CSH1: variants seen among roughly 807,000 people sequenced by gnomAD.
CSH1 encodes the protein chorionic somatomammotropin hormone 1.
In CSH1, 17 loss-of-function variants were observed where a neutral mutation model predicts 19.4. The observed-to-expected ratio is 0.88, with a 90% CI of 0.60 to 1.31. CSH1 has a LOEUF of 1.31. CSH1 is among the 40% of genes most tolerant of loss of function. The pLI is 0.00. For missense variants in CSH1, 190 were observed against 243.1 expected (o/e 0.78, Z 1.45); for synonymous variants, 72 against 104.6 (o/e 0.69, Z 1.90).
At position 63,895,111 on chromosome 17, in the gene CSH1, G is replaced by A. The variant is rs1322263639; in HGVS notation, c.565C>T (p.Leu189Phe). 1 of 1,612,730 alleles carries A rather than the reference G, an allele frequency of 6.2e-7. No individual in the cohort carries two copies. The highest frequency in any genetic ancestry group is 1.3e-5 in the African/African-American group (1 of 74,222). The change falls in exon 5 of 5, where the codon CTC becomes TTC. Residue 189 changes from leucine to phenylalanine, a missense_variant. Leu to Phe is a conservative substitution (Grantham distance 22). This residue lies in a region of CSH1 where 175 missense variants were observed against 187.2 expected (regional missense o/e 0.93). Coordinates refer to ENST00000316193, the MANE Select transcript of CSH1 (RefSeq NM_001317.6). ...HDALLKNYGL[L>F]YCFRKDMDKV... The stretch of plus-strand genomic sequence containing the variant: ...TCCATGTCCTTCCTGAAGCAGTAGA[G>A]CAGCCCGTAGTTCTTGAGCAGTGCG...
chr17:63,894,946 G>T lies in CSH1; in HGVS notation c.*76C>A. Reference sequence around the variant, plus strand: ...TACAACTTAATTTTATTAGGACAAGGCTGGTGGGCACTGGAGTGGCACCTT... The same window carrying T: ...TACAACTTAATTTTATTAGGACAAGTCTGGTGGGCACTGGAGTGGCACCTT... On this transcript the variant is annotated 3_prime_UTR_variant, in exon 5 of 5. Transcript: ENST00000316193. 1 of 1,609,454 alleles carries T rather than the reference G, an allele frequency of 6.2e-7. No individual in the cohort carries two copies. Among genetic ancestry groups the T allele is most frequent in the East Asian group, 2.2e-5 (1 of 44,798 alleles).
In CSH1 at chr17:63,895,567, C is replaced by A; in HGVS notation, c.362G>T (p.Ser121Ile). The change falls in exon 4 of 5, where the codon AGT becomes ATT. Residue 121 changes from serine (S) to isoleucine (I), a missense_variant. By Grantham distance (142) the Ser-to-Ile change is moderately radical. Transcript: ENST00000316193. The part of the protein sequence containing the change: ...SWLEPVRFLR[S>I]MFANNLVYDT... ...ATACACCAGGTTGTTGGCGAACATACTCCTGAGGAACCGCACGGGCTCCAG... is the reference window on the plus strand; with the variant it reads ...ATACACCAGGTTGTTGGCGAACATAATCCTGAGGAACCGCACGGGCTCCAG... The A allele has an allele frequency of 6.2e-7, 1 of 1,601,388 alleles. No individual in the cohort carries two copies. Among genetic ancestry groups the A allele is most frequent in the Non-Finnish European group, 8.5e-7 (1 of 1,176,602 alleles).
chr17:63,894,932 T>C lies in CSH1; in HGVS notation c.*90A>G, dbSNP rs1042429011. ...GTCAGATGAAATGATACAACTTAAT[T>C]TTATTAGGACAAGGCTGGTGGGCAC... On this transcript the variant is annotated 3_prime_UTR_variant, in exon 5 of 5. Transcript: ENST00000316193. 1.2e-5 allele frequency: 20 copies of C among 1,602,328 alleles called. 1 individual carries two copies. In the African/African-American group the frequency reaches 2.2e-4, roughly 17 times the overall value.
At chr17:63,895,421 C>T (rs1436814762) in intron 4 of CSH1, 52 bp downstream of exon 4, 2 of 1,612,844 alleles carry the variant, frequency 1.2e-6, no homozygotes, top group Non-Finnish European at 1.7e-6. Flanking sequence ...TCTCCCCCAG[C>T]CCTCGAAGCC....
chr17:63,894,966 C>G lies in CSH1; in HGVS notation c.*56G>C, dbSNP rs1290377268. The G allele has an allele frequency of 1.9e-6, 3 of 1,612,328 alleles. No homozygotes were observed. The African/African-American group carries it at 4.0e-5, about 22-fold the overall frequency. On this transcript the variant is annotated 3_prime_UTR_variant, in exon 5 of 5. Transcript: ENST00000316193. ...ACAAGGCTGGTGGGCACTGGAGTGG[C>G]ACCTTCAGGGCCAGGAGAGGCACTG...
rs199753389 is a variant in CSH1, at chr17:63,895,050, C to A, written c.626G>T (p.Arg209Leu). The change falls in exon 5 of 5, where the codon CGC becomes CTC. Residue 209 changes from arginine (R) to leucine (L), a missense_variant. Arg to Leu is a moderately radical substitution (Grantham distance 102, BLOSUM62 -2). Transcript: ENST00000316193. ...GAAGCCACAGCTGCCCTCCACAGAG[C>A]GGCACTGCACCATGCGCAGGAATGT... ...VETFLRMVQC[R>L]SVEGSCGF The A allele has an allele frequency of 1.9e-5, 30 of 1,612,890 alleles. No individual in the cohort carries two copies. The highest frequency in any genetic ancestry group is 2.2e-5 in the South Asian group (2 of 91,070).
In CSH1 at chr17:63,895,519, T is replaced by G. The variant is rs770137844; in HGVS notation, c.410A>C (p.Tyr137Ser). 4.8e-5 allele frequency: 78 copies of G among 1,610,586 alleles called. 2 individuals carry two copies. Among genetic ancestry groups the G allele is most frequent in the Non-Finnish European group, 6.6e-5 (78 of 1,179,246 alleles). Reference protein sequence around the residue: ...LVYDTSDSDDYHLLKDLEEGI... With the variant: ...LVYDTSDSDDSHLLKDLEEGI... ...TTCCTCTAGGTCCTTTAGGAGGTGA[T>G]AGTCATCGCTGTCCGAGGTGTCATA... Residue 137 changes from tyrosine (Y) to serine (S), a missense_variant, in exon 4 of 5, where the codon TAT becomes TCT. Tyr to Ser is a moderately radical substitution (Grantham distance 144, BLOSUM62 -2). Around this residue, in one of 3 missense-constraint regions of CSH1, gnomAD observed 175 missense variants for 187.2 expected, o/e 0.93. Transcript: ENST00000316193.
At chr17:63,896,397 A>T (rs1906138177) in intron 1 of CSH1, 105 bp downstream of exon 1, 5 of 1,549,034 alleles carry the variant, frequency 3.2e-6, no homozygotes, top group Non-Finnish European at 4.4e-6. Flanking sequence ...CGATACTCAC[A>T]TTCATAAGCC....
At position 63,895,554 on chromosome 17, in the gene CSH1, G is replaced by C; in HGVS notation, c.375C>G (p.Asn125Lys). Residue 125 changes from asparagine to lysine, a missense_variant, in exon 4 of 5, where the codon AAC becomes AAG. Asn to Lys is a moderately conservative substitution (Grantham distance 94). Coordinates refer to ENST00000316193, the MANE Select transcript of CSH1 (RefSeq NM_001317.6). ...PVRFLRSMFA[N>K]NLVYDTSDSD... is the part of the protein sequence containing the mutation. The stretch of plus-strand genomic sequence containing the variant: ...TGTCCGAGGTGTCATACACCAGGTT[G>C]TTGGCGAACATACTCCTGAGGAACC... 1 of 1,605,740 alleles carries C rather than the reference G, an allele frequency of 6.2e-7. No individual in the cohort carries two copies. The highest frequency in any genetic ancestry group is 8.5e-7 in the Non-Finnish European group (1 of 1,177,942).
chr17:63,896,310 T>C (rs1906134100), intron 1 of CSH1, 75 bp from the exon 2 acceptor site: 1 of 1,600,580 alleles, frequency 6.2e-7, no homozygotes, highest in Non-Finnish European at 8.5e-7. Context: ...CAGGAGCTGT[T>C]TGTTTTTTTT....
intron 1 of CSH1, 73 bp from the exon 2 acceptor site, chr17:63,896,308 G>T: frequency 6.2e-7 from 1 of 1,600,216 alleles, no homozygotes. Context: ...TCCAGGAGCT[G>T]TTTGTTTTTT....
Position 63,896,501 on chromosome 17 carries a change from C to G in CSH1, c.10+1G>C. The G allele has an allele frequency of 6.2e-7, 1 of 1,613,312 alleles. No individual in the cohort carries two copies. ...CCCAAAGGGATTTTAGGGGCGCTTACCTGGAGCCATTGCCACTAGGTGAGC... is the reference window on the plus strand; with the variant it reads ...CCCAAAGGGATTTTAGGGGCGCTTAGCTGGAGCCATTGCCACTAGGTGAGC... On this transcript the variant is annotated splice_donor_variant, in intron 1 of 4. Coordinates refer to ENST00000316193, the MANE Select transcript of CSH1 (RefSeq NM_001317.6). LOFTEE classifies it high-confidence loss of function.
Position 63,895,171 on chromosome 17 carries a change from A to G in CSH1, c.505T>C (p.Tyr169His). The change falls in exon 5 of 5, where the codon TAC becomes CAC. Residue 169 changes from tyrosine to histidine, a missense_variant. Coordinates refer to ENST00000316193, the MANE Select transcript of CSH1 (RefSeq NM_001317.6). ...RRTGQILKQT[Y>H]SKFDTNSHNH... ...TGCGAGTTTGTGTCAAACTTGCTGT[A>G]GGTCTGCTTGAGGATCTGCCCAGTC... is the stretch of plus-strand genomic sequence containing the variant. 1.9e-6 allele frequency: 3 copies of G among 1,612,826 alleles called. No individual in the cohort carries two copies. The highest frequency in any genetic ancestry group is 1.1e-5 in the South Asian group (1 of 91,064).
chr17:63,896,070 C>T lies in CSH1; in HGVS notation c.171+5G>A. 1 of 1,012,318 alleles carries T rather than the reference C, an allele frequency of 9.9e-7. No individual in the cohort carries two copies. Among genetic ancestry groups the T allele is most frequent in the Non-Finnish European group, 1.3e-6 (1 of 757,104 alleles). The allele number at this position is 1,012,318 out of a possible 1,614,324, so 62.7% of individuals were successfully genotyped here. A position where few individuals can be genotyped will look rare whatever the true frequency, so the allele number is the denominator to read the frequency against. On this transcript the variant is annotated splice_donor_5th_base_variant and intron_variant, in intron 2 of 4. Transcript: ENST00000316193. ...CTGACCCGCACCCATTCCCCAAGAA[C>T]TTACAAACTCCTGGTAGGTGTCAAT...
rs958149892 is a variant in CSH1, at chr17:63,895,741, T to TG, written c.280dup (p.Gln94ProfsTer37). The TG allele has an allele frequency of 1.0e-6, 1 of 957,272 alleles. No homozygotes were observed. Among genetic ancestry groups the TG allele is most frequent in the African/African-American group, 2.6e-5 (1 of 37,994 alleles). 59.3% of individuals were successfully genotyped at this position (957,272 alleles called of 1,614,324 possible). A position where few individuals can be genotyped will look rare whatever the true frequency, so the allele number is the denominator to read the frequency against. On this transcript the variant is annotated frameshift_variant, in exon 3 of 5. Transcript: ENST00000316193. LOFTEE classifies it high-confidence loss of function. ...ACGGCATCCACTCACGGATTTCTGTTGCGTTTCCTCCATGTTGGAGGGTGT... is the reference window on the plus strand; with the variant it reads ...ACGGCATCCACTCACGGATTTCTGTTGGCGTTTCCTCCATGTTGGAGGGTGT...
In CSH1 at chr17:63,895,170, T is replaced by C; in HGVS notation, c.506A>G (p.Tyr169Cys). 1 of 1,612,870 alleles carries C rather than the reference T, an allele frequency of 6.2e-7. No individual in the cohort carries two copies. Among genetic ancestry groups the C allele is most frequent in the Non-Finnish European group, 8.5e-7 (1 of 1,179,548 alleles). Residue 169 changes from tyrosine (Y) to cysteine (C), a missense_variant, in exon 5 of 5, where the codon TAC becomes TGC. Transcript: ENST00000316193. ...RRTGQILKQTYSKFDTNSHNH... is the reference protein window; with the variant it reads ...RRTGQILKQTCSKFDTNSHNH... Reference sequence around the variant, plus strand: ...GTGCGAGTTTGTGTCAAACTTGCTGTAGGTCTGCTTGAGGATCTGCCCAGT... The same window carrying C: ...GTGCGAGTTTGTGTCAAACTTGCTGCAGGTCTGCTTGAGGATCTGCCCAGT...
Position 63,894,993 on chromosome 17 carries a change from G to C in CSH1, c.*29C>G. ...CCTTCAGGGCCAGGAGAGGCACTGG[G>C]GAGGGGTCACAGGATGCTACTCGGG... On this transcript the variant is annotated 3_prime_UTR_variant, in exon 5 of 5. Transcript: ENST00000316193. 6.2e-7 allele frequency: 1 copy of C among 1,612,964 alleles called. No homozygotes were observed. The highest frequency in any genetic ancestry group is 8.5e-7 in the Non-Finnish European group (1 of 1,179,652).
Position 63,895,655 on chromosome 17 carries a change from G to T in CSH1, c.292-18C>A. ...TCTAGATTCTGCAGGGGAAGGACCG[G>T]CAGTGGCTGTGCTGCCCGGGAGCCC... On this transcript the variant is annotated intron_variant, in intron 3 of 4. Coordinates refer to ENST00000316193, the MANE Select transcript of CSH1 (RefSeq NM_001317.6). The T allele has an allele frequency of 6.7e-7, 1 of 1,497,388 alleles. No individual in the cohort carries two copies. The highest frequency in any genetic ancestry group is 2.1e-5 in the Admixed American group (1 of 47,332). 92.8% of individuals were successfully genotyped at this position (1,497,388 alleles called of 1,614,324 possible).
In CSH1 at chr17:63,895,473, C is replaced by A. The variant is rs751844296; in HGVS notation, c.456G>T (p.Gly152=). The change falls in exon 4 of 5, where the codon GGG becomes GGT. Residue 152 remains glycine, a splice_region_variant and synonymous_variant. Coordinates refer to ENST00000316193, the MANE Select transcript of CSH1 (RefSeq NM_001317.6). The part of the protein sequence containing the change: ...DLEEGIQTLM[G]RLEDGSRRTG... Reference sequence around the variant, plus strand: ...TGGTGACCCCTGGCGCCACCCTCACCCCCATCAGCGTTTGGATGCCTTCCT... The same window carrying A: ...TGGTGACCCCTGGCGCCACCCTCACACCCATCAGCGTTTGGATGCCTTCCT... 1.2e-6 allele frequency: 2 copies of A among 1,612,566 alleles called. No homozygotes were observed. The highest frequency in any genetic ancestry group is 1.7e-5 in the Admixed American group (1 of 59,864).
Sources: gnomAD v4.1 joint callset for allele counts on GRCh38, gnomAD v4.1.1 for gene constraint, gnomAD v4.1.1 regional missense constraint, MANE v1.5 for transcripts, NCBI Gene and HGNC (gene_info 2026-07-23, HGNC 2026-07-21) for gene names.